Variants in SLC9C1 observed in about 807,000 individuals in gnomAD.
SLC9C1 encodes sodium/hydrogen exchanger 10.
Under a neutral mutation model 140.9 loss-of-function variants are expected in SLC9C1, and 97 were observed. The ratio of observed to expected loss-of-function variants is 0.69; its 90% CI spans 0.58 to 0.82. The LOEUF (loss-of-function observed/expected upper bound fraction) is 0.82, where lower values mean the gene tolerates loss of function less well. Ranked by LOEUF, SLC9C1 falls within the 40% of genes least tolerant of loss-of-function variation. The pLI is 0.00. For synonymous variants in SLC9C1, 440 were observed against 442.6 expected (o/e 0.99, Z 0.07); for missense variants, 1,340 against 1,389.3 (o/e 0.96, Z 0.56).
At chr3:112,280,365 G>A (rs1375805630) in intron 3 of SLC9C1, among the ~76,000 whole-genome samples, 1 of 152,178 alleles carries the variant, frequency 6.6e-6, no homozygotes, top group Non-Finnish European at 1.5e-5. Flanking sequence ...GAGCTCCTAT[G>A]TCATTAGCCA....
intron 16 of SLC9C1, among the ~76,000 whole-genome samples, chr3:112,207,464 C>G (rs2078086091): frequency 1.3e-5 from 2 of 152,140 alleles, no homozygotes; most frequent in African/African-American, 2.4e-5. Flanking sequence ...GTAGATGAGA[C>G]AGCATGGCCT....
At chr3:112,287,833 G>A (rs1245261214) in intron 1 of SLC9C1, among the ~76,000 whole-genome samples, 2 of 151,964 alleles carry the variant, frequency 1.3e-5, no homozygotes, top group African/African-American at 4.8e-5. Flanking sequence ...GGGTCACGAG[G>A]TCAGGAGATT....
chr3:112,159,519 G>C (rs1203139278), intron 26 of SLC9C1, among the ~76,000 whole-genome samples: 3 of 152,080 alleles, frequency 2.0e-5, no homozygotes, highest in Non-Finnish European at 4.4e-5. Flanking sequence ...GTGCTGATAA[G>C]AAAAATGTAT....
chr3:112,218,659 G>A (rs2078455427), intron 14 of SLC9C1, among the ~76,000 whole-genome samples: 1 of 152,122 alleles, frequency 6.6e-6, no homozygotes, highest in Admixed American at 6.5e-5. Context: ...TGCCCTCAAG[G>A]CTGCAGCAGA....
chr3:112,170,469 A>G (rs189277937), intron 23 of SLC9C1, among the ~76,000 whole-genome samples: 1 of 152,162 alleles, frequency 6.6e-6, no homozygotes, highest in African/African-American at 2.4e-5. Flanking sequence ...TTTTAATTGT[A>G]TTATTTATTT....
intron 26 of SLC9C1, among the ~76,000 whole-genome samples, chr3:112,164,847 G>A (rs2077086023): frequency 6.6e-6 from 1 of 152,144 alleles, no homozygotes; most frequent in Admixed American, 6.5e-5. Context: ...AGTTCTCCTG[G>A]ATAATATCCT....
At chr3:112,197,068 T>C (rs765478128) in intron 20 of SLC9C1, among the ~76,000 whole-genome samples, 9 of 152,138 alleles carry the variant, frequency 5.9e-5, no homozygotes, top group Non-Finnish European at 1.2e-4. Flanking sequence ...GGTTGTAGTC[T>C]GTCTCTGAGC....
rs149103200 is a variant in SLC9C1, at chr3:112,145,982, C to T, written c.3525-4701G>A. ...CACGATTGTGAGGCCTCCGCAGCCA[C>T]GTGGAACTGTAAATCCAGTAAACCT... On this transcript the variant is annotated intron_variant, in intron 28 of 28. Coordinates refer to ENST00000305815, the MANE Select transcript of SLC9C1 (RefSeq NM_183061.3). Among the ~76,000 whole-genome samples, 105 of 152,258 alleles carry T rather than the reference C, an allele frequency of 6.9e-4. No individual in the cohort carries two copies. The East Asian group carries it at 8.7e-3, about 13-fold the overall frequency.
chr3:112,168,745 T>A lies in SLC9C1; in HGVS notation c.3237+132A>T, dbSNP rs916389378. Reference sequence around the variant, plus strand: ...GTGGTTGTGGGTATGAGTGAGTGTTTATGGAGTGGTGGGAAAAGGGAGAAG... The same window carrying A: ...GTGGTTGTGGGTATGAGTGAGTGTTAATGGAGTGGTGGGAAAAGGGAGAAG... On this transcript the variant is annotated intron_variant, in intron 25 of 28. Coordinates refer to ENST00000305815, the MANE Select transcript of SLC9C1 (RefSeq NM_183061.3). 1.2e-5 allele frequency: 10 copies of A among 838,962 alleles called. No homozygotes were observed. The African/African-American group carries it at 1.4e-4, about 12-fold the overall frequency. The allele number at this position is 838,962 out of a possible 1,614,324, so 52.0% of individuals were successfully genotyped here.
intron 15 of SLC9C1, among the ~76,000 whole-genome samples, chr3:112,213,801 A>G: frequency 6.6e-6 from 1 of 152,216 alleles, no homozygotes; most frequent in Admixed American, 6.5e-5. Context: ...CAGAACAACG[A>G]GACAGAAAGT....
chr3:112,217,585 A>T, intron 14 of SLC9C1, 24 bp from the exon 15 acceptor site: 1 of 1,552,548 alleles, frequency 6.4e-7, no homozygotes, highest in East Asian at 2.3e-5. Flanking sequence ...GAAATCTTTA[A>T]ACATGCTTTA....
intron 6 of SLC9C1, among the ~76,000 whole-genome samples, chr3:112,273,265 T>C (rs975539050): frequency 2.0e-5 from 3 of 151,920 alleles, no homozygotes; most frequent in Non-Finnish European, 4.4e-5. Flanking sequence ...CTGAGTGCCA[T>C]ATTGTGTCAC....
chr3:112,292,607 G>A (rs1210414845), intron 1 of SLC9C1, among the ~76,000 whole-genome samples: 4 of 152,028 alleles, frequency 2.6e-5, no homozygotes, highest in East Asian at 1.9e-4. Flanking sequence ...GCAGTGGTGC[G>A]ATCTCGGCTC....
At chr3:112,158,255 A>T (rs2075182832) in intron 26 of SLC9C1, among the ~76,000 whole-genome samples, 1 of 151,962 alleles carries the variant, frequency 6.6e-6, no homozygotes, top group Admixed American at 6.6e-5. Flanking sequence ...TTGAATACTT[A>T]TTCTGCATTT....
At chr3:112,175,394 G>C (rs569943525) in intron 23 of SLC9C1, among the ~76,000 whole-genome samples, 9 of 152,096 alleles carry the variant, frequency 5.9e-5, no homozygotes, top group African/African-American at 2.2e-4. Context: ...TGGAGAACCC[G>C]GTCAGGAGGT....
chr3:112,220,858 G>GA (rs71134806), intron 14 of SLC9C1, among the ~76,000 whole-genome samples: 111,911 of 151,972 alleles, frequency 0.74, 41,609 homozygotes, highest in East Asian at 0.99. Flanking sequence ...TTGGCAGGGG[G>GA]GGACAAAGAA....
chr3:112,277,740 C>T lies in SLC9C1; in HGVS notation c.439G>A (p.Val147Met), dbSNP rs753811423. 4 of 1,610,972 alleles carry T rather than the reference C, an allele frequency of 2.5e-6. No homozygotes were observed. The Admixed American group carries it at 6.7e-5, about 27-fold the overall frequency. ...TQWLLFSAIL[V>M]SSDPMLTAAA... ...GCGGTTAGCATGGGATCTGAACTCA[C>T]AAGGATAGCTGAAAATAATAACCAT... is the stretch of plus-strand genomic sequence containing the variant. Residue 147 changes from valine to methionine, a missense_variant, in exon 5 of 29, where the codon GTG (valine) becomes ATG (methionine). By Grantham distance (21) the Val-to-Met change is conservative. Coordinates refer to ENST00000305815, the MANE Select transcript of SLC9C1 (RefSeq NM_183061.3).
At chr3:112,286,661 G>A in intron 2 of SLC9C1, 43 bp downstream of exon 2, 2 of 1,488,570 alleles carry the variant, frequency 1.3e-6, no homozygotes, top group Non-Finnish European at 1.8e-6. Context: ...TTTATAAGAT[G>A]TACCGGAAGA....
intron 2 of SLC9C1, among the ~76,000 whole-genome samples, chr3:112,286,172 TA>T (rs1326705816): frequency 6.6e-6 from 1 of 152,134 alleles, no homozygotes; most frequent in South Asian, 2.1e-4. Flanking sequence ...AAAAAGCCCA[TA>T]ACAAATATTT....
Sources: allele counts gnomAD v4.1 joint callset (sites outside exome capture counted in the v4.1 genomes callset), GRCh38; gene constraint gnomAD v4.1.1; transcripts MANE v1.5; gene names NCBI Gene and HGNC (gene_info 2026-07-23, HGNC 2026-07-21).